The following SRCIN1 variants were observed in gnomAD, a reference collection of about 807,000 sequenced individuals.
The protein encoded by SRCIN1 is P130Cas-associated protein.
In SRCIN1, 50 loss-of-function variants were observed where a neutral mutation model predicts 116.2. The observed-to-expected ratio is 0.43, with a 90% CI of 0.34 to 0.54. The LOEUF is 0.54. SRCIN1 is among the 20% of genes least tolerant of loss of function. SRCIN1 has a pLI of 0.02. For missense variants in SRCIN1, 1,446 were observed against 1,672.0 expected, an observed-to-expected ratio of 0.86 and a Z score of 2.36; for synonymous variants, 736 against 750.0, an observed-to-expected ratio of 0.98 and a Z score of 0.30.
chr17:38,547,352 G>C (rs988619061), intron 17 of SRCIN1, among the ~76,000 whole-genome samples: 9 of 152,226 alleles, frequency 5.9e-5, no homozygotes, highest in African/African-American at 2.2e-4. Flanking sequence ...GACAAGGTCA[G>C]ATTTTGAGCT....
chr17:38,566,869 C>CCTTCCTTCCTTCCTTT (rs1231475185), intron 3 of SRCIN1, among the ~76,000 whole-genome samples: 2 of 143,252 alleles, frequency 1.4e-5, no homozygotes, highest in Admixed American at 1.4e-4. Flanking sequence ...TGTTTCGTTT[C>CCTTCCTTCCTTCCTTT]CTTCCTTCCT....
intron 1 of SRCIN1, among the ~76,000 whole-genome samples, chr17:38,580,685 GACCTGCTGCTATCCCCA>G (rs1215556862): frequency 6.6e-6 from 1 of 152,086 alleles, no homozygotes; most frequent in African/African-American, 2.4e-5. Context: ...CTTCCTCACT[GACCTGCTGCTATCCCCA>G]ACCATGGCCC....
At chr17:38,556,287 G>A (rs940989107) in intron 11 of SRCIN1, among the ~76,000 whole-genome samples, 25 of 152,224 alleles carry the variant, frequency 1.6e-4, no homozygotes, top group Admixed American at 1.1e-3. Flanking sequence ...ATGGGGCTCC[G>A]CGTGACCGCA....
intron 1 of SRCIN1, among the ~76,000 whole-genome samples, chr17:38,590,125 C>G (rs1908360213): frequency 6.6e-6 from 1 of 152,222 alleles, no homozygotes; most frequent in Non-Finnish European, 1.5e-5. Context: ...GCGAAAGACA[C>G]AAAGACTCCC....
chr17:38,604,463 C>T lies in SRCIN1; in HGVS notation c.22+1221G>A, dbSNP rs1307426593. 4.4e-6 allele frequency: 2 copies of T among 452,930 alleles called. No individual in the cohort carries two copies. Among genetic ancestry groups the T allele is most frequent in the Non-Finnish European group, 8.9e-6 (2 of 225,388 alleles). The allele number at this position is 452,930 out of a possible 1,614,324, so 28.1% of individuals were successfully genotyped here. On this transcript the variant is annotated intron_variant, in intron 1 of 18. Coordinates refer to ENST00000617146, the MANE Select transcript of SRCIN1 (RefSeq NM_025248.3). The surrounding 1 kb of genome is among the most constrained non-coding windows in gnomAD (Gnocchi z 4.3). ...GGAAGATCCCCCTCCTTGCATACTTCCCCGCGCCTGCTCACCTGGCTCCCC... is the reference window on the plus strand; with the variant it reads ...GGAAGATCCCCCTCCTTGCATACTTTCCCGCGCCTGCTCACCTGGCTCCCC...
At chr17:38,600,191 C>G (rs972115109) in intron 1 of SRCIN1, among the ~76,000 whole-genome samples, 5 of 152,330 alleles carry the variant, frequency 3.3e-5, no homozygotes, top group African/African-American at 1.2e-4. Flanking sequence ...TTGTTCCTGT[C>G]TTCAGAGACT....
At position 38,585,853 on chromosome 17, in the gene SRCIN1, G is replaced by A. The variant is rs566432083; in HGVS notation, c.23-7062C>T. Among the ~76,000 whole-genome samples, 4 of 152,236 alleles carry A rather than the reference G, an allele frequency of 2.6e-5. No individual in the cohort carries two copies. The East Asian group carries it at 7.7e-4, about 29-fold the overall frequency. On this transcript the variant is annotated intron_variant, in intron 1 of 18. Transcript: ENST00000617146. The surrounding 1 kb of genome is among the most constrained non-coding windows in gnomAD (Gnocchi z 4.2). ...GGCGTGTGATGGGGGAAGGGCGATG[G>A]GGGGAAGGAGGCAGCTGGACTGAGG...
rs747816480 is a variant in SRCIN1 at position 38,549,130 on chromosome 17, A to G, written c.3043T>C (p.Ser1015Pro). 1.4e-5 allele frequency: 19 copies of G among 1,327,494 alleles called. No homozygotes were observed. Among genetic ancestry groups the G allele is most frequent in the Admixed American group, 1.2e-4 (6 of 50,444 alleles). The allele number at this position is 1,327,494 out of a possible 1,614,324, so 82.2% of individuals were successfully genotyped here. The change falls in exon 16 of 19, where the codon TCC (serine) becomes CCC (proline). Residue 1015 changes from serine (S) to proline (P), a missense_variant. Around this residue, in one of 5 missense-constraint regions of SRCIN1, gnomAD observed 531 missense variants for 633.9 expected, o/e 0.84. Coordinates refer to ENST00000617146, the MANE Select transcript of SRCIN1 (RefSeq NM_025248.3). The stretch of plus-strand genomic sequence containing the variant: ...CGTGTGGTGGTCAGGCCATGGGAGG[A>G]GGGGAAGCTCCGGCGGGGAGGGGGC... ...PPPPPRRSFPSSHGLTTTRTG... is the reference protein window; with the variant it reads ...PPPPPRRSFPPSHGLTTTRTG...
In SRCIN1 at chr17:38,591,539, A is replaced by G. The variant is rs202207026; in HGVS notation, c.23-12748T>C. On this transcript the variant is annotated intron_variant, in intron 1 of 18. Coordinates refer to ENST00000617146, the MANE Select transcript of SRCIN1 (RefSeq NM_025248.3). ...GTGACTCCTCTCTGCTTCTGTTACT[A>G]AAGTGCCTTCGCTAGTGCCCCTCCT... Among the ~76,000 whole-genome samples the G allele has an allele frequency of 2.6e-5, 4 of 152,302 alleles. No homozygotes were observed. The East Asian group carries it at 5.8e-4, about 22-fold the overall frequency.
intron 2 of SRCIN1, among the ~76,000 whole-genome samples, chr17:38,570,718 GGCCT>G (rs1907027376): frequency 6.6e-6 from 1 of 152,178 alleles, no homozygotes; most frequent in African/African-American, 2.4e-5. Flanking sequence ...CCTCCACATG[GGCCT>G]GCCCCAGGGT....
chr17:38,540,575 A>G (rs766996233), intron 18 of SRCIN1, among the ~76,000 whole-genome samples: 4 of 152,196 alleles, frequency 2.6e-5, no homozygotes, highest in Non-Finnish European at 5.9e-5. Flanking sequence ...AGGCTGAGCT[A>G]GTGTGGATCG....
At chr17:38,555,775 C>G (rs73982831) in intron 11 of SRCIN1, among the ~76,000 whole-genome samples, 1 of 152,140 alleles carries the variant, frequency 6.6e-6, no homozygotes, top group African/African-American at 2.4e-5. Flanking sequence ...GCCCAGCCCT[C>G]GCTCTACCAC....
In SRCIN1 at chr17:38,558,382, C is replaced by A. The variant is rs111949283; in HGVS notation, c.2046G>T (p.Val682=). Residue 682 remains valine (V), a synonymous_variant, in exon 11 of 19, where the codon GTG becomes GTT. Coordinates refer to ENST00000617146, the MANE Select transcript of SRCIN1 (RefSeq NM_025248.3). This position sits in a 1 kb window ranked among gnomAD's most constrained non-coding sequence, Gnocchi z 4.6. The part of the protein sequence containing the change: ...RKLQLQNQES[V]RALLKRTEAE... ...CCTCCGTGCGCTTCAGCAGCGCGCGCACCGACTCCTGGTTCTGTAGCTGCG... is the reference window on the plus strand; with the variant it reads ...CCTCCGTGCGCTTCAGCAGCGCGCGAACCGACTCCTGGTTCTGTAGCTGCG... 1 of 1,604,016 alleles carries A rather than the reference C, an allele frequency of 6.2e-7. No individual in the cohort carries two copies. The highest frequency in any genetic ancestry group is 1.1e-5 in the South Asian group (1 of 90,858).
chr17:38,578,235 C>T (rs1726522209), intron 2 of SRCIN1, among the ~76,000 whole-genome samples: 1 of 152,232 alleles, frequency 6.6e-6, no homozygotes, highest in South Asian at 2.1e-4. Context: ...CCCCGTCACA[C>T]GCTCTCGATT....
chr17:38,584,902 G>C (rs961636295), intron 1 of SRCIN1, among the ~76,000 whole-genome samples: 1 of 152,184 alleles, frequency 6.6e-6, no homozygotes, highest in Non-Finnish European at 1.5e-5. Flanking sequence ...AGTAGAGGAA[G>C]AACGAAGCCA....
Position 38,552,164 on chromosome 17 carries a change from G to T in SRCIN1, c.2481-32C>A. On this transcript the variant is annotated intron_variant, in intron 13 of 18. Transcript: ENST00000617146. This position sits in a 1 kb window ranked among gnomAD's most constrained non-coding sequence, Gnocchi z 5.3. ...TTGGGAGAGTTGGGAGCAGCTGTGA[G>T]GCCAGCAGGTGGTGACCCTTCTGCA... 1 of 1,589,468 alleles carries T rather than the reference G, an allele frequency of 6.3e-7. No homozygotes were observed. Among genetic ancestry groups the T allele is most frequent in the South Asian group, 1.2e-5 (1 of 86,604 alleles).
chr17:38,582,380 C>T (rs1907873365), intron 1 of SRCIN1, among the ~76,000 whole-genome samples: 1 of 152,190 alleles, frequency 6.6e-6, no homozygotes, highest in Non-Finnish European at 1.5e-5. Context: ...GGAGAGGTCC[C>T]AGCTCCCAGC....
chr17:38,605,612 A>G, intron 1 of SRCIN1, 72 bp downstream of exon 1: 2 of 1,262,074 alleles, frequency 1.6e-6, no homozygotes, highest in Non-Finnish European at 2.1e-6. Context: ...GGGGGAAAAC[A>G]CACAAAGAAA....
chr17:38,562,418 G>A lies in SRCIN1; in HGVS notation c.835-90C>T. On this transcript the variant is annotated intron_variant, in intron 6 of 18. Coordinates refer to ENST00000617146, the MANE Select transcript of SRCIN1 (RefSeq NM_025248.3). This position sits in a 1 kb window ranked among gnomAD's most constrained non-coding sequence, Gnocchi z 4.2. The stretch of plus-strand genomic sequence containing the variant: ...GAGGAGCCAGCATCTCCTCCCTGAC[G>A]CTTAGGAAGTCCCTTCTGCTCTCTG... 5 of 1,334,368 alleles carry A rather than the reference G, an allele frequency of 3.7e-6. No homozygotes were observed. Among genetic ancestry groups the A allele is most frequent in the Non-Finnish European group, 3.9e-6 (4 of 1,031,644 alleles). 82.7% of individuals were successfully genotyped at this position (1,334,368 alleles called of 1,614,324 possible).
Sources: gnomAD v4.1 joint callset for allele counts (sites outside exome capture counted in the v4.1 genomes callset) on GRCh38, gnomAD v4.1.1 for gene constraint, gnomAD v4.1.1 regional missense constraint, Gnocchi (gnomAD v3.1) non-coding constraint, MANE v1.5 for transcripts, NCBI Gene and HGNC (gene_info 2026-07-23, HGNC 2026-07-21) for gene names.